The following MAGI1 variants were observed in gnomAD, a reference collection of about 807,000 sequenced individuals.
MAGI1 encodes membrane associated guanylate kinase, WW and PDZ domain containing 1.
A neutral mutation model predicts 139.9 loss-of-function variants in MAGI1; 58 were observed. The ratio of observed to expected loss-of-function variants is 0.41; its 90% confidence interval spans 0.34 to 0.52. MAGI1 has a LOEUF of 0.52. MAGI1 is among the 20% of genes least tolerant of loss of function. MAGI1 has a pLI of 0.12. For synonymous variants in MAGI1, 812 were observed against 737.9 expected, an observed-to-expected ratio of 1.10 and a Z score of -1.63; for missense variants, 1,874 against 1,901.6, an observed-to-expected ratio of 0.99 and a Z score of 0.27.
At chr3:65,402,209 T>C (rs1279603582) in intron 12 of MAGI1, among the ~76,000 whole-genome samples, 1 of 151,980 alleles carries the variant, frequency 6.6e-6, no homozygotes, top group Non-Finnish European at 1.5e-5. Context: ...AGCATGTCAT[T>C]TGGGAGTGAA....
At chr3:65,604,606 T>C (rs2106870069) in intron 2 of MAGI1, among the ~76,000 whole-genome samples, 1 of 152,234 alleles carries the variant, frequency 6.6e-6, no homozygotes, top group East Asian at 1.9e-4. Flanking sequence ...GGGGTTTTCC[T>C]TATAAGAACC....
At chr3:65,858,094 G>C (rs181408513) in intron 1 of MAGI1, among the ~76,000 whole-genome samples, 190 of 149,652 alleles carry the variant, frequency 1.3e-3, no homozygotes, top group African/African-American at 4.4e-3. Context: ...GGGTGACAGA[G>C]AGACACATTG....
intron 1 of MAGI1, among the ~76,000 whole-genome samples, chr3:65,930,840 T>G (rs2062773912): frequency 6.6e-6 from 1 of 152,102 alleles, no homozygotes; most frequent in Non-Finnish European, 1.5e-5. Context: ...CATGGCAACG[T>G]CAGGAAGTTA....
intron 1 of MAGI1, among the ~76,000 whole-genome samples, chr3:65,808,105 C>T (rs2040991041): frequency 6.6e-6 from 1 of 151,976 alleles, no homozygotes; most frequent in Non-Finnish European, 1.5e-5. Flanking sequence ...CCAGCCTCCG[C>T]CTCCCGAGTA....
At chr3:65,633,517 A>C (rs1211413978) in intron 1 of MAGI1, among the ~76,000 whole-genome samples, 2 of 152,070 alleles carry the variant, frequency 1.3e-5, no homozygotes, top group African/African-American at 4.8e-5. Context: ...CAGGAAATCC[A>C]CTTTATTATT....
chr3:65,379,558 T>C lies in MAGI1; in HGVS notation c.2702-4A>G, dbSNP rs375238624. On this transcript the variant is annotated splice_polypyrimidine_tract_variant and splice_region_variant and intron_variant, in intron 16 of 22. Transcript: ENST00000402939. The stretch of plus-strand genomic sequence containing the variant: ...ACCTCGTTCTCGGTTTTGGGCACTG[T>C]AGCAGAGAGATGCACGCGTACATCA... 7.2e-5 allele frequency: 116 copies of C among 1,603,366 alleles called. No individual in the cohort carries two copies. In the African/African-American group the frequency reaches 1.4e-3, roughly 19 times the overall value.
intron 13 of MAGI1, among the ~76,000 whole-genome samples, chr3:65,400,000 A>G (rs778210726): frequency 1.1e-4 from 16 of 152,292 alleles, no homozygotes; most frequent in Non-Finnish European, 2.2e-4. Context: ...TCAACATAGC[A>G]TGGCTGGGGT....
At chr3:65,395,827 C>CAA (rs563879072) in intron 13 of MAGI1, among the ~76,000 whole-genome samples, 2 of 151,524 alleles carry the variant, frequency 1.3e-5, no homozygotes, top group Non-Finnish European at 2.9e-5. Context: ...TAATGAATTT[C>CAA]AAGTGGGGAT....
chr3:65,470,414 G>T lies in MAGI1; in HGVS notation c.828C>A (p.Ile276=). 1 of 1,613,568 alleles carries T rather than the reference G, an allele frequency of 6.2e-7. No homozygotes were observed. Among genetic ancestry groups the T allele is most frequent in the Non-Finnish European group, 8.5e-7 (1 of 1,179,734 alleles). Reference sequence around the variant, plus strand: ...GAGAAGGGTCCGTGATGGGAGCAGCGATGATGCTACTATTCACAGGTGGTA... The same window carrying T: ...GAGAAGGGTCCGTGATGGGAGCAGCTATGATGCTACTATTCACAGGTGGTA... ...TALPPVNSSI[I]AAPITDPSQK... is the part of the protein sequence containing the mutation. The change falls in exon 5 of 23, where the codon ATC becomes ATA. Residue 276 remains isoleucine (I), a synonymous_variant. Transcript: ENST00000402939.
intron 1 of MAGI1, among the ~76,000 whole-genome samples, chr3:65,846,986 A>AAAAAAAAAAAAAAAAC (rs2059026169): frequency 2.6e-5 from 4 of 151,000 alleles, no homozygotes; most frequent in Admixed American, 6.6e-5. Context: ...CAAAAAAAAA[A>AAAAAAAAAAAAAAAAC]AAAAAAAAAA....
chr3:65,404,080 C>T lies in MAGI1; in HGVS notation c.2168-2610G>A, dbSNP rs560380795. The stretch of plus-strand genomic sequence containing the variant: ...ATGTGTGGCTTTTGCCTTCCATGAA[C>T]GTCCACATCAAATGGATAATGGGGA... On this transcript the variant is annotated intron_variant, in intron 12 of 22. Coordinates refer to ENST00000402939, the MANE Select transcript of MAGI1 (RefSeq NM_001033057.2). Among the ~76,000 whole-genome samples, 9 of 152,250 alleles carry T rather than the reference C, an allele frequency of 5.9e-5. No homozygotes were observed. In the East Asian group the frequency reaches 7.7e-4, roughly 13 times the overall value.
intron 18 of MAGI1, chr3:65,371,977 A>G (rs568505425): frequency 7.7e-6 from 3 of 390,564 alleles, no homozygotes; most frequent in African/African-American, 6.3e-5. Flanking sequence ...GTCATCCATG[A>G]AGGTTGGAAT....
chr3:65,420,746 A>G (rs774696580), intron 12 of MAGI1, among the ~76,000 whole-genome samples: 14 of 152,340 alleles, frequency 9.2e-5, no homozygotes, highest in African/African-American at 2.6e-4. Context: ...AGGGGAAGGG[A>G]TGACACCACA....
chr3:65,500,927 A>G lies in MAGI1; in HGVS notation c.431-7296T>C, dbSNP rs540466521. On this transcript the variant is annotated intron_variant, in intron 2 of 22. Transcript: ENST00000402939. ...TTCCTATTCTAACACAATCATTTGC[A>G]TCTGATAAATATCCAGAGTATCAGT... Among the ~76,000 whole-genome samples, 5 of 152,346 alleles carry G rather than the reference A, an allele frequency of 3.3e-5. No individual in the cohort carries two copies. In the South Asian group the frequency reaches 1.0e-3, roughly 32 times the overall value.
chr3:65,960,324 C>G (rs77773094), intron 1 of MAGI1, among the ~76,000 whole-genome samples: 6,313 of 152,190 alleles, frequency 0.041, 425 homozygotes, highest in African/African-American at 0.14. Flanking sequence ...CTAGACAATT[C>G]TGCGTTAGCC....
At chr3:65,788,376 A>G (rs954205247) in intron 1 of MAGI1, among the ~76,000 whole-genome samples, 1 of 152,220 alleles carries the variant, frequency 6.6e-6, no homozygotes, top group African/African-American at 2.4e-5. Context: ...CTAATTCCAA[A>G]CATCATTTAC....
At chr3:65,699,857 C>G (rs1214403443) in intron 1 of MAGI1, among the ~76,000 whole-genome samples, 1 of 149,366 alleles carries the variant, frequency 6.7e-6, no homozygotes, top group African/African-American at 2.5e-5. Flanking sequence ...TGCACATGTA[C>G]CCTAAAACTT....
intron 1 of MAGI1, among the ~76,000 whole-genome samples, chr3:65,635,541 A>T (rs532737119): frequency 1.1e-4 from 16 of 152,356 alleles, no homozygotes; most frequent in African/African-American, 3.8e-4. Context: ...TGAATGGCAC[A>T]GACTTCCAGA....
intron 1 of MAGI1, among the ~76,000 whole-genome samples, chr3:65,894,540 T>C (rs2060892624): frequency 6.6e-6 from 1 of 152,242 alleles, no homozygotes; most frequent in South Asian, 2.1e-4. Flanking sequence ...ATTCTTAGTT[T>C]ACCAGTGATG....
Sources: gnomAD v4.1 joint callset for allele counts (sites outside exome capture counted in the v4.1 genomes callset) on GRCh38, gnomAD v4.1.1 for gene constraint, MANE v1.5 for transcripts, NCBI Gene and HGNC (gene_info 2026-07-23, HGNC 2026-07-21) for gene names.